TNK2: variants seen among roughly 807,000 people sequenced by gnomAD.
TNK2 encodes activated CDC42 kinase 1.
In TNK2, 83 loss-of-function variants were observed where a neutral mutation model predicts 101.8. The ratio of observed to expected loss-of-function variants is 0.82; its 90% CI spans 0.68 to 0.98. The LOEUF (loss-of-function observed/expected upper bound fraction) is 0.98. Among genes scored for constraint, TNK2 ranks in the 50% least tolerant of loss-of-function variants. The probability of loss-of-function intolerance (pLI) is 0.00; values close to 1 mark genes in which losing one functional copy is unlikely to be tolerated. For missense variants in TNK2, 1,665 were observed against 1,483.2 expected (o/e 1.12, Z -2.01); for synonymous variants, 804 against 633.0 (o/e 1.27, Z -4.06).
chr3:195,871,920 C>A (rs1745618271), intron 10 of TNK2, among the ~76,000 whole-genome samples: 3 of 151,674 alleles, frequency 2.0e-5, no homozygotes, highest in Non-Finnish European at 4.4e-5. Context: ...GGAGAACCCT[C>A]CCCTGGAGAA....
Position 195,866,843 on chromosome 3 carries a change from A to G in TNK2, c.3161+46T>C, listed in dbSNP as rs199977969. 12 of 1,590,674 alleles carry G rather than the reference A, an allele frequency of 7.5e-6. No homozygotes were observed. The East Asian group carries it at 2.7e-4, about 36-fold the overall frequency. Reference sequence around the variant, plus strand: ...CTCCCAGTGTGGCAGGCTCTGGGACAGCCCTCCTGGGGCACGGAGCGGGGC... The same window carrying G: ...CTCCCAGTGTGGCAGGCTCTGGGACGGCCCTCCTGGGGCACGGAGCGGGGC... On this transcript the variant is annotated intron_variant, in intron 15 of 15. Coordinates refer to ENST00000672887, the MANE Select transcript of TNK2 (RefSeq NM_001382273.1).
chr3:195,908,105 G>A (rs1237027119), intron 1 of TNK2: 2 of 152,560 alleles, frequency 1.3e-5, no homozygotes, highest in South Asian at 2.1e-4. Context: ...GTGTTTTGAG[G>A]ACTTGTGTGT....
Position 195,867,967 on chromosome 3 carries a change from GC to G in TNK2, c.2330del (p.Gly777AlafsTer71). 6.5e-7 allele frequency: 1 copy of G among 1,542,974 alleles called. No homozygotes were observed. The highest frequency in any genetic ancestry group is 8.6e-7 in the Non-Finnish European group (1 of 1,156,772). On this transcript the variant is annotated frameshift_variant, in exon 13 of 16. Transcript: ENST00000672887. LOFTEE classifies it high-confidence loss of function. ...CAGGCCACTGGCTGGTCTCCTCCTC[GC>G]CCGGGGGGGCTGGAGACAGCTGGAC... ...PHVQLSPAPP[G>X]EEETSQWPGP...
rs1754972423 is a variant in TNK2, at chr3:195,885,004, C to A, written c.264G>T (p.Glu88Asp). 6.2e-7 allele frequency: 1 copy of A among 1,607,122 alleles called. No homozygotes were observed. Among genetic ancestry groups the A allele is most frequent in the African/African-American group, 1.3e-5 (1 of 74,612 alleles). The change falls in exon 4 of 16, where the codon GAG (glutamate) becomes GAT (aspartate). Residue 88 changes from glutamate to aspartate, a missense_variant. Glu to Asp is a conservative substitution (Grantham distance 45). Around this residue, in one of 3 missense-constraint regions of TNK2, gnomAD observed 490 missense variants for 522.5 expected, o/e 0.94. Transcript: ENST00000672887. This position sits in a 1 kb window ranked among gnomAD's most constrained non-coding sequence, Gnocchi z 4.7. Reference protein sequence around the residue: ...KVFSGKRLEAEFPPHHSQSTF... With the variant: ...KVFSGKRLEADFPPHHSQSTF... ...TGCTCTGAGAGTGATGAGGTGGGAA[C>A]TCAGCCTCCAGTCGCTTTCCACTGA...
intron 9 of TNK2, among the ~76,000 whole-genome samples, chr3:195,874,290 C>T (rs541093606): frequency 1.3e-5 from 2 of 152,370 alleles, no homozygotes; most frequent in East Asian, 3.9e-4. Context: ...CTTCCGCCAA[C>T]ACTGCCCAGC....
rs984107787 is a variant in TNK2, at chr3:195,892,616, G to T, written c.-18-4010C>A. The T allele has an allele frequency of 2.0e-4, 289 of 1,452,670 alleles. 1 individual carries two copies. Among genetic ancestry groups the T allele is most frequent in the South Asian group, 4.5e-4 (32 of 71,498 alleles). 90.0% of individuals were successfully genotyped at this position (1,452,670 alleles called of 1,614,324 possible). A position where few individuals can be genotyped will look rare whatever the true frequency, so the allele number is the denominator to read the frequency against. On this transcript the variant is annotated intron_variant, in intron 1 of 15. Coordinates refer to ENST00000672887, the MANE Select transcript of TNK2 (RefSeq NM_001382273.1). ...GTGGGAAATGAGGAAGAACGGGGTGGGCCCCTCCGCTCTGCTGCAAGCCCC... is the reference window on the plus strand; with the variant it reads ...GTGGGAAATGAGGAAGAACGGGGTGTGCCCCTCCGCTCTGCTGCAAGCCCC...
At chr3:195,900,159 C>G (rs1761054853) in intron 1 of TNK2, among the ~76,000 whole-genome samples, 1 of 152,104 alleles carries the variant, frequency 6.6e-6, no homozygotes, top group South Asian at 2.1e-4. Flanking sequence ...GGTGCCTTCT[C>G]ATCGGACTGC....
chr3:195,900,246 G>T (rs1009599507), intron 1 of TNK2, among the ~76,000 whole-genome samples: 1 of 152,128 alleles, frequency 6.6e-6, no homozygotes, highest in Middle Eastern at 3.4e-3. Context: ...CCAGCTCACC[G>T]AGAGAGAGGA....
chr3:195,889,489 G>A (rs1757484168), intron 1 of TNK2, among the ~76,000 whole-genome samples: 1 of 151,528 alleles, frequency 6.6e-6, no homozygotes, highest in South Asian at 2.1e-4. Flanking sequence ...GATGTCTTCT[G>A]CGGACGCTTC....
chr3:195,886,443 G>A lies in TNK2; in HGVS notation c.234+534C>T, dbSNP rs1411782341. ...CATTGTCTTCCAGACAATGGGCAAA[G>A]TTCCACTGAGTCAGACCAGGGACTC... On this transcript the variant is annotated intron_variant, in intron 3 of 15. Transcript: ENST00000672887. This position sits in a 1 kb window ranked among gnomAD's most constrained non-coding sequence, Gnocchi z 4.2. Among the ~76,000 whole-genome samples, 13 of 152,088 alleles carry A rather than the reference G, an allele frequency of 8.5e-5. No individual in the cohort carries two copies. The highest frequency in any genetic ancestry group is 1.6e-4 in the Non-Finnish European group (11 of 68,036).
At chr3:195,895,578 C>A (rs1298614584) in intron 1 of TNK2, 1 of 1,318,728 alleles carries the variant, frequency 7.6e-7, no homozygotes, top group African/African-American at 1.5e-5. Context: ...CGGCTCCCAC[C>A]CTCTCCCAGT....
Position 195,863,829 on chromosome 3 carries a change from G to A in TNK2, c.*352C>T, listed in dbSNP as rs888685480. ...TGGTTTCCTCCCAGTCTGTCACCCAGGGCAGGGCCTGGGGGTACTACTCCA... is the reference window on the plus strand; with the variant it reads ...TGGTTTCCTCCCAGTCTGTCACCCAAGGCAGGGCCTGGGGGTACTACTCCA... On this transcript the variant is annotated 3_prime_UTR_variant, in exon 16 of 16. Coordinates refer to ENST00000672887, the MANE Select transcript of TNK2 (RefSeq NM_001382273.1). 6 of 281,350 alleles carry A rather than the reference G, an allele frequency of 2.1e-5. 1 individual carries two copies. Among genetic ancestry groups the A allele is most frequent in the Non-Finnish European group, 4.0e-5 (6 of 150,382 alleles). The allele number at this position is 281,350 out of a possible 1,614,324, so 17.4% of individuals were successfully genotyped here. A position where few individuals can be genotyped will look rare whatever the true frequency, so the allele number is the denominator to read the frequency against.
At chr3:195,896,320 C>CAA (rs759914422) in intron 1 of TNK2, 2 of 318,106 alleles carry the variant, frequency 6.3e-6, no homozygotes, top group Non-Finnish European at 1.3e-5. Flanking sequence ...AGAGGAGAGA[C>CAA]AGATGCTGTG....
Position 195,878,525 on chromosome 3 carries a change from T to C in TNK2, c.1082A>G (p.Tyr361Cys), listed in dbSNP as rs1750671655. The C allele has an allele frequency of 6.2e-7, 1 of 1,613,856 alleles. No individual in the cohort carries two copies. Among genetic ancestry groups the C allele is most frequent in the Non-Finnish European group, 8.5e-7 (1 of 1,180,024 alleles). Residue 361 changes from tyrosine to cysteine, a missense_variant, in exon 8 of 16, where the codon TAC becomes TGC. By Grantham distance (194) the Tyr-to-Cys change is radical. Coordinates refer to ENST00000672887, the MANE Select transcript of TNK2 (RefSeq NM_001382273.1). This position sits in a 1 kb window ranked among gnomAD's most constrained non-coding sequence, Gnocchi z 4.7. ...PRPEDCPQDI[Y>C]NVMVQCWAHK... is the part of the protein sequence containing the mutation. Reference sequence around the variant, plus strand: ...AGCCCAGCACTGGACCATGACGTTGTAGATGTCCTGGGGACAGTCCTCGGG... The same window carrying C: ...AGCCCAGCACTGGACCATGACGTTGCAGATGTCCTGGGGACAGTCCTCGGG...
At chr3:195,887,792 CATGTGTGTAT>C (rs1407842357) in intron 2 of TNK2, among the ~76,000 whole-genome samples, 1 of 143,480 alleles carries the variant, frequency 7.0e-6, no homozygotes, top group Non-Finnish European at 1.5e-5. Context: ...CGTGTGTGTA[CATGTGTGTAT>C]GCCGTGCGTG....
intron 5 of TNK2, 78 bp downstream of exon 5, chr3:195,883,079 G>A: frequency 6.5e-7 from 1 of 1,548,206 alleles, no homozygotes; most frequent in Non-Finnish European, 8.7e-7. Context: ...CTGACCTTAG[G>A]ATGGAGAGAG....
At chr3:195,873,273 G>C (rs1049602090) in intron 9 of TNK2, among the ~76,000 whole-genome samples, 3 of 151,744 alleles carry the variant, frequency 2.0e-5, no homozygotes, top group African/African-American at 7.3e-5. Context: ...CCTGGGCAGG[G>C]GCAGGGGCAG....
rs1454013881 is a variant in TNK2, at chr3:195,886,384, G to C, written c.234+593C>G. The stretch of plus-strand genomic sequence containing the variant: ...AACCCAGCCCTGAAGCCAGAAGTGG[G>C]GAGGAAAGACCACGGCTGGCTCACT... On this transcript the variant is annotated intron_variant, in intron 3 of 15. Coordinates refer to ENST00000672887, the MANE Select transcript of TNK2 (RefSeq NM_001382273.1). The surrounding 1 kb of genome is among the most constrained non-coding windows in gnomAD (Gnocchi z 4.2). The C allele has an allele frequency of 6.5e-6, 1 of 152,732 alleles. No homozygotes were observed. Among genetic ancestry groups the C allele is most frequent in the East Asian group, 1.9e-4 (1 of 5,202 alleles). 9.5% of individuals were successfully genotyped at this position (152,732 alleles called of 1,614,324 possible). A position where few individuals can be genotyped will look rare whatever the true frequency, so the allele number is the denominator to read the frequency against.
At position 195,867,475 on chromosome 3, in the gene TNK2, G is replaced by T. The variant is rs752094998; in HGVS notation, c.2823C>A (p.Asn941Lys). The change falls in exon 13 of 16, where the codon AAC (asparagine) becomes AAA (lysine). Residue 941 changes from asparagine to lysine, a missense_variant. This residue lies in a region of TNK2 where 1,136 missense variants were observed against 894.9 expected (regional missense o/e 1.27). Coordinates refer to ENST00000672887, the MANE Select transcript of TNK2 (RefSeq NM_001382273.1). ...ALDPKANFST[N>K]NSNPGARPPP... The stretch of plus-strand genomic sequence containing the variant: ...GTGGCCGGGCCCCTGGGTTGCTGTT[G>T]TTGGTGGAGAAGTTGGCCTTGGGGT... 5 of 1,581,396 alleles carry T rather than the reference G, an allele frequency of 3.2e-6. No individual in the cohort carries two copies. The highest frequency in any genetic ancestry group is 2.1e-4 in the Middle Eastern group (1 of 4,694).
Sources: gnomAD v4.1 joint callset for allele counts (sites outside exome capture counted in the v4.1 genomes callset) on GRCh38, gnomAD v4.1.1 for gene constraint, gnomAD v4.1.1 regional missense constraint, Gnocchi (gnomAD v3.1) non-coding constraint, MANE v1.5 for transcripts, NCBI Gene and HGNC (gene_info 2026-07-23, HGNC 2026-07-21) for gene names.